The following DMD variants were observed in gnomAD, a reference collection of about 807,000 sequenced individuals.
The protein encoded by DMD is dystrophin.
Under a neutral mutation model 330.1 loss-of-function variants are expected in DMD, and 63 were observed. The ratio of observed to expected loss-of-function variants is 0.19; its 90% CI spans 0.16 to 0.24. The LOEUF is 0.24. Among genes scored for constraint, DMD ranks in the 10% least tolerant of loss-of-function variants. The pLI is 1.00. For missense variants in DMD, 3,344 were observed against 2,684.1 expected (o/e 1.25, Z -5.43); for synonymous variants, 1,223 against 959.8 (o/e 1.27, Z -5.07).
At chrX:31,953,451 G>A (rs2095210182) in intron 45 of DMD, among the ~76,000 whole-genome samples, 1 of 111,981 alleles carries the variant, frequency 8.9e-6, no homozygotes, top group Non-Finnish European at 1.9e-5. Flanking sequence ...GGGACTGGGG[G>A]CAATACAGGC....
intron 47 of DMD, among the ~76,000 whole-genome samples, chrX:31,918,300 G>T (rs556525555): frequency 4.5e-5 from 5 of 111,955 alleles, no homozygotes; most frequent in African/African-American, 1.3e-4. Flanking sequence ...GGAACTAGAG[G>T]CACTAAGAGA....
intron 1 of DMD, among the ~76,000 whole-genome samples, chrX:33,038,266 C>T (rs2094238700): frequency 9.0e-6 from 1 of 111,574 alleles, no homozygotes; most frequent in Non-Finnish European, 1.9e-5. Context: ...TTAGTGCATA[C>T]CTCCAAACCT....
At chrX:31,186,049 T>G (rs148985315) in intron 67 of DMD, among the ~76,000 whole-genome samples, 1,849 of 112,063 alleles carry the variant, frequency 0.016, 33 homozygotes, top group African/African-American at 0.055. Context: ...ACATTTCAGA[T>G]AGAAAGGCAG....
At chrX:32,424,229 T>C (rs16998308) in intron 29 of DMD, among the ~76,000 whole-genome samples, 17,841 of 109,246 alleles carry the variant, frequency 0.16, 1,304 homozygotes, top group African/African-American at 0.26. Context: ...CAAAGGTTTT[T>C]TGCAGAGCAT....
At chrX:33,182,977 C>T (rs1162860250) in intron 1 of DMD, among the ~76,000 whole-genome samples, 3 of 111,788 alleles carry the variant, frequency 2.7e-5, no homozygotes, top group Non-Finnish European at 5.6e-5. Flanking sequence ...ATGTATGCAA[C>T]GCAAATTCTA....
chrX:32,757,948 AG>A (rs2071720267), intron 7 of DMD, among the ~76,000 whole-genome samples: 1 of 111,308 alleles, frequency 9.0e-6, no homozygotes, highest in South Asian at 3.8e-4. Context: ...CTCTAGCAAC[AG>A]GAGGAGGAGG....
intron 2 of DMD, among the ~76,000 whole-genome samples, chrX:32,996,982 G>A (rs940916383): frequency 9.0e-6 from 1 of 111,546 alleles, no homozygotes; most frequent in Non-Finnish European, 1.9e-5. Flanking sequence ...CTATAAGAAA[G>A]CATATGTATA....
At chrX:31,495,852 A>G (rs1325973870) in intron 57 of DMD, among the ~76,000 whole-genome samples, 1 of 111,858 alleles carries the variant, frequency 8.9e-6, no homozygotes, top group Non-Finnish European at 1.9e-5. Context: ...GGAAGAATAC[A>G]CGAACACCTG....
At chrX:32,276,249 T>C (rs969506233) in intron 43 of DMD, among the ~76,000 whole-genome samples, 3 of 112,481 alleles carry the variant, frequency 2.7e-5, no homozygotes, top group African/African-American at 9.7e-5. Flanking sequence ...AGCCTCACCA[T>C]TGTGGGCCAA....
intron 29 of DMD, among the ~76,000 whole-genome samples, chrX:32,434,248 A>G: frequency 9.0e-6 from 1 of 111,632 alleles, no homozygotes; most frequent in South Asian, 3.7e-4. Context: ...TTGATTTTAA[A>G]AAATAGGTTA....
chrX:33,030,756 TAA>T (rs1205895559), intron 1 of DMD, among the ~76,000 whole-genome samples: 1 of 111,734 alleles, frequency 8.9e-6, no homozygotes, highest in Non-Finnish European at 1.9e-5. Context: ...ATATTACTTT[TAA>T]AAGATTCAAA....
intron 30 of DMD, among the ~76,000 whole-genome samples, chrX:32,408,187 T>G (rs1237471045): frequency 1.8e-5 from 2 of 111,925 alleles, no homozygotes; most frequent in African/African-American, 6.5e-5. Flanking sequence ...GGTCAACACA[T>G]GCTGTTACAT....
At chrX:31,136,287 C>G (rs1274889200) in intron 76 of DMD, among the ~76,000 whole-genome samples, 1 of 111,754 alleles carries the variant, frequency 8.9e-6, no homozygotes, top group Non-Finnish European at 1.9e-5. Flanking sequence ...CTTCCTCCCC[C>G]CTCACACACA....
At chrX:32,645,297 A>G in intron 9 of DMD, 145 bp from the exon 10 acceptor site, 1 of 609,368 alleles carries the variant, frequency 1.6e-6, no homozygotes, top group Non-Finnish European at 2.5e-6. Flanking sequence ...GATACAGACA[A>G]TAGGGAGTTT....
chrX:32,996,223 C>T (rs2093115842), intron 2 of DMD, among the ~76,000 whole-genome samples: 1 of 109,824 alleles, frequency 9.1e-6, no homozygotes, highest in Admixed American at 9.8e-5. Context: ...GATGGTGCCA[C>T]AAAATACAAA....
At chrX:31,251,373 T>C (rs190395057) in intron 63 of DMD, among the ~76,000 whole-genome samples, 14 of 111,300 alleles carry the variant, frequency 1.3e-4, no homozygotes, top group Non-Finnish European at 1.7e-4. Flanking sequence ...TAATGCTTGG[T>C]AAAGAAATCT....
intron 25 of DMD, among the ~76,000 whole-genome samples, chrX:32,461,328 C>T (rs1328948821): frequency 9.0e-6 from 1 of 111,030 alleles, no homozygotes; most frequent in Non-Finnish European, 1.9e-5. Flanking sequence ...TCTTCTTCTC[C>T]TTGAGCGCCA....
chrX:31,619,819 G>C (rs1172318725), intron 55 of DMD, among the ~76,000 whole-genome samples: 1 of 111,852 alleles, frequency 8.9e-6, no homozygotes, highest in African/African-American at 3.2e-5. Context: ...ACATGTTTAC[G>C]TATGAATGAG....
chrX:31,993,986 A>G (rs774930003), intron 44 of DMD, among the ~76,000 whole-genome samples: 2 of 111,485 alleles, frequency 1.8e-5, no homozygotes, highest in Admixed American at 9.5e-5. Flanking sequence ...GCCTCTGTAA[A>G]TAATGCAAGC....
Sources: allele counts gnomAD v4.1 joint callset (sites outside exome capture counted in the v4.1 genomes callset), GRCh38; gene constraint gnomAD v4.1.1; transcripts MANE v1.5; gene names NCBI Gene and HGNC (gene_info 2026-07-23, HGNC 2026-07-21).